TENM3: variants seen among roughly 807,000 people sequenced by gnomAD.
TENM3 encodes teneurin-3.
In TENM3, 63 loss-of-function variants were observed where a neutral mutation model predicts 255.1. That is an observed-to-expected ratio of 0.25 (90% confidence interval 0.20 to 0.30). The LOEUF (loss-of-function observed/expected upper bound fraction) is 0.30. TENM3 is among the 10% of genes least tolerant of loss of function. The pLI is 1.00. For synonymous variants in TENM3, 1,306 were observed against 1,322.3 expected, an observed-to-expected ratio of 0.99 and a Z score of 0.27; for missense variants, 2,929 against 3,461.1, an observed-to-expected ratio of 0.85 and a Z score of 3.86.
At chr4:181,800,656 G>C in the TENM3 span, among the ~76,000 whole-genome samples, 6 of 152,124 alleles carry the variant, frequency 3.9e-5, no homozygotes, top group Admixed American at 3.9e-4. Flanking sequence ...CTTACCTATA[G>C]AGGGAACAGT....
chr4:181,888,042 T>C, the TENM3 span, among the ~76,000 whole-genome samples: 1 of 152,166 alleles, frequency 6.6e-6, no homozygotes, highest in Non-Finnish European at 1.5e-5. Flanking sequence ...TTTATTTTAT[T>C]TTTTTGAGAC....
At chr4:181,805,013 A>G in the TENM3 span, among the ~76,000 whole-genome samples, 1 of 152,066 alleles carries the variant, frequency 6.6e-6, no homozygotes, top group Non-Finnish European at 1.5e-5. Context: ...ATGGGTCTTC[A>G]TAAGCATCTG....
the TENM3 span, among the ~76,000 whole-genome samples, chr4:181,669,686 G>T: frequency 6.6e-6 from 1 of 152,112 alleles, no homozygotes; most frequent in South Asian, 2.1e-4. Context: ...TTGCTTCTCT[G>T]CCCCCTTTCT....
chr4:182,774,665 A>G (rs1295195554), intron 23 of TENM3, among the ~76,000 whole-genome samples: 2 of 152,194 alleles, frequency 1.3e-5, no homozygotes, highest in Non-Finnish European at 2.9e-5. Flanking sequence ...CATCAGGCAA[A>G]TGAGAAAAAG....
At chr4:182,165,935 C>T (rs1368833140) in intron 1 of TENM3, among the ~76,000 whole-genome samples, 1 of 152,132 alleles carries the variant, frequency 6.6e-6, no homozygotes, top group African/African-American at 2.4e-5. Flanking sequence ...TGTGCCACCA[C>T]GCCAGTCTAA....
At chr4:181,775,508 A>G in the TENM3 span, among the ~76,000 whole-genome samples, 1 of 152,166 alleles carries the variant, frequency 6.6e-6, no homozygotes, top group Non-Finnish European at 1.5e-5. Flanking sequence ...TAGTCACGTG[A>G]TGAATTAATT....
intron 3 of TENM3, among the ~76,000 whole-genome samples, chr4:182,420,672 A>G (rs1008890892): frequency 6.6e-6 from 1 of 152,364 alleles, no homozygotes; most frequent in South Asian, 2.1e-4. Context: ...TGGGGGCAGA[A>G]TCCTGTGGAT....
the TENM3 span, among the ~76,000 whole-genome samples, chr4:181,895,768 C>T: frequency 6.6e-6 from 1 of 151,984 alleles, no homozygotes; most frequent in South Asian, 2.1e-4. Flanking sequence ...TGGTCTCAAA[C>T]TCCTGGCCTC....
intron 22 of TENM3, among the ~76,000 whole-genome samples, chr4:182,770,084 C>T (rs1043289427): frequency 1.1e-4 from 15 of 140,392 alleles, no homozygotes; most frequent in Admixed American, 5.3e-4. Flanking sequence ...CCAGTCTGGG[C>T]GACAGAGTGA....
the TENM3 span, among the ~76,000 whole-genome samples, chr4:181,631,959 A>G: frequency 5.3e-5 from 8 of 152,212 alleles, no homozygotes; most frequent in African/African-American, 1.9e-4. Flanking sequence ...TAAAATCATT[A>G]GAGCACAAAA....
At chr4:182,258,055 T>C (rs1758539405) in intron 1 of TENM3, among the ~76,000 whole-genome samples, 1 of 152,180 alleles carries the variant, frequency 6.6e-6, no homozygotes, top group Non-Finnish European at 1.5e-5. Context: ...AAATTGTGTA[T>C]GTGTGTATAT....
chr4:181,942,724 T>C, the TENM3 span, among the ~76,000 whole-genome samples: 1 of 152,324 alleles, frequency 6.6e-6, no homozygotes, highest in East Asian at 1.9e-4. Flanking sequence ...TGAAACTATC[T>C]TAAAGTCTAT....
the TENM3 span, among the ~76,000 whole-genome samples, chr4:181,594,160 A>G: frequency 1.3e-5 from 2 of 152,232 alleles, no homozygotes; most frequent in African/African-American, 4.8e-5. Flanking sequence ...ATTTAAAACT[A>G]GAAAACTTAT....
chr4:181,480,186 A>AT, the TENM3 span, among the ~76,000 whole-genome samples: 1 of 151,948 alleles, frequency 6.6e-6, no homozygotes, highest in South Asian at 2.1e-4. Context: ...TAAAATGTTT[A>AT]TTTTTTTCTC....
intron 12 of TENM3, among the ~76,000 whole-genome samples, chr4:182,703,307 AT>A (rs1367413509): frequency 6.6e-6 from 1 of 152,246 alleles, no homozygotes; most frequent in Non-Finnish European, 1.5e-5. Flanking sequence ...ATTTGCCAAA[AT>A]AAAAAATAAC....
intron 1 of TENM3, among the ~76,000 whole-genome samples, chr4:182,255,839 G>C (rs1003182067): frequency 1.3e-5 from 2 of 152,128 alleles, no homozygotes; most frequent in Non-Finnish European, 2.9e-5. Context: ...TGAGAAGACT[G>C]AAGTACTGAA....
Position 182,435,292 on chromosome 4 carries a change from T to C in TENM3, c.511+88363T>C, listed in dbSNP as rs182715356. Among the ~76,000 whole-genome samples, 367 of 152,306 alleles carry C rather than the reference T, an allele frequency of 2.4e-3. 2 individuals are homozygous for C. The highest frequency in any genetic ancestry group is 9.7e-3 in the South Asian group (47 of 4,824). On this transcript the variant is annotated intron_variant, in intron 3 of 27. Coordinates refer to ENST00000511685, the MANE Select transcript of TENM3 (RefSeq NM_001080477.4). ...TATTGCTTCAGACAGTCTACAAATA[T>C]GGTGTTTATTACATGACTTCTTCTA... is the stretch of plus-strand genomic sequence containing the variant.
chr4:182,200,649 T>C (rs1428028016), intron 1 of TENM3, among the ~76,000 whole-genome samples: 1 of 152,130 alleles, frequency 6.6e-6, no homozygotes, highest in African/African-American at 2.4e-5. Context: ...TTATAGAAAA[T>C]TAGCTCCTGG....
At chr4:182,620,263 T>G (rs1427849167) in intron 4 of TENM3, among the ~76,000 whole-genome samples, 2 of 152,188 alleles carry the variant, frequency 1.3e-5, no homozygotes, top group Non-Finnish European at 2.9e-5. Flanking sequence ...TTCCATTCCT[T>G]CGTTAAATAT....
Sources: gnomAD v4.1 joint callset for allele counts (sites outside exome capture counted in the v4.1 genomes callset) on GRCh38, gnomAD v4.1.1 for gene constraint, MANE v1.5 for transcripts, NCBI Gene and HGNC (gene_info 2026-07-23, HGNC 2026-07-21) for gene names.